Variants in COG4 observed in about 807,000 individuals in gnomAD.
COG4 encodes component of oligomeric golgi complex 4, also known as conserved oligomeric Golgi complex subunit 4.
Under a neutral mutation model 95.1 loss-of-function variants are expected in COG4, and 65 were observed. That is an observed-to-expected ratio of 0.68 (90% CI 0.56 to 0.84). The LOEUF (loss-of-function observed/expected upper bound fraction) is 0.84, where lower values mean the gene tolerates loss of function less well. Ranked by LOEUF, COG4 falls within the 40% of genes least tolerant of loss-of-function variation. The probability of loss-of-function intolerance (pLI) is 0.00; values close to 1 mark genes in which losing one functional copy is unlikely to be tolerated. For synonymous variants in COG4, 421 were observed against 374.8 expected, an observed-to-expected ratio of 1.12 and a Z score of -1.42; for missense variants, 1,045 against 989.1, an observed-to-expected ratio of 1.06 and a Z score of -0.76.
intron 13 of COG4, among the ~76,000 whole-genome samples, chr16:70,484,249 A>G (rs534697557): frequency 1.3e-5 from 2 of 152,344 alleles, no homozygotes; most frequent in African/African-American, 4.8e-5. Flanking sequence ...GTCCTGGCTC[A>G]GTCATGTATT....
chr16:70,498,123 T>A (rs1370496149), intron 9 of COG4, 68 bp from the exon 10 acceptor site: 1 of 922,756 alleles, frequency 1.1e-6, no homozygotes, highest in Non-Finnish European at 1.8e-6. Context: ...CTTTTTTCAT[T>A]TTTTCAGGTT....
rs780069576 is a variant in COG4 at position 70,501,084 on chromosome 16, C to G, written c.1069G>C (p.Asp357His). 2 of 1,613,378 alleles carry G rather than the reference C, an allele frequency of 1.2e-6. No homozygotes were observed. The highest frequency in any genetic ancestry group is 1.1e-5 in the South Asian group (1 of 91,076). ...TTEKIEPREL[D>H]PILTEVTLMN... ...AGGGTGACCTCAGTCAGGATGGGGT[C>G]CAGTTCTCTGAGACACATGGAGCAG... Residue 357 changes from aspartate (D) to histidine (H), a missense_variant, in exon 9 of 19, where the codon GAC (aspartate) becomes CAC (histidine). Transcript: ENST00000323786.
chr16:70,519,727 A>C lies in COG4; in HGVS notation c.176T>G (p.Val59Gly). The C allele has an allele frequency of 6.2e-7, 1 of 1,612,044 alleles. No homozygotes were observed. Among genetic ancestry groups the C allele is most frequent in the African/African-American group, 1.3e-5 (1 of 75,030 alleles). ...VYERLCGEEK[V>G]VERELDALLE... Reference sequence around the variant, plus strand: ...AAGAGCATCCAGCTCTCTCTCCACCACTTTCTGAAACACAGAGAAACATCC... The same window carrying C: ...AAGAGCATCCAGCTCTCTCTCCACCCCTTTCTGAAACACAGAGAAACATCC... The change falls in exon 2 of 19, where the codon GTG (valine) becomes GGG (glycine). Residue 59 changes from valine to glycine, a missense_variant. By Grantham distance (109) the Val-to-Gly change is moderately radical. Coordinates refer to ENST00000323786, the MANE Select transcript of COG4 (RefSeq NM_015386.3).
At chr16:70,491,254 C>G (rs572648551) in intron 12 of COG4, among the ~76,000 whole-genome samples, 1 of 152,182 alleles carries the variant, frequency 6.6e-6, no homozygotes, top group South Asian at 2.1e-4. Flanking sequence ...GTGGCTCACG[C>G]CTGTAATCCC....
In COG4 at chr16:70,517,640, G is replaced by C. The variant is rs751883885; in HGVS notation, c.355C>G (p.Leu119Val). ...AENVSSKVRQ[L>V]DLAKNRLYQA... ...TGATGTATTACCTTGGCCAGGTCAA[G>C]CTGACGAACTTTGCTGGACACATTC... is the stretch of plus-strand genomic sequence containing the variant. Residue 119 changes from leucine to valine, a missense_variant, in exon 3 of 19, where the codon CTT becomes GTT. Leu to Val is a conservative substitution (Grantham distance 32). Coordinates refer to ENST00000323786, the MANE Select transcript of COG4 (RefSeq NM_015386.3). The C allele has an allele frequency of 6.7e-7, 1 of 1,498,834 alleles. No individual in the cohort carries two copies. The highest frequency in any genetic ancestry group is 2.3e-5 in the East Asian group (1 of 43,018). The allele number at this position is 1,498,834 out of a possible 1,614,324, so 92.8% of individuals were successfully genotyped here.
chr16:70,504,728 G>A (rs1347038795), intron 8 of COG4, among the ~76,000 whole-genome samples: 1 of 151,788 alleles, frequency 6.6e-6, no homozygotes, highest in Non-Finnish European at 1.5e-5. Flanking sequence ...TGGCCAAGAT[G>A]GTGAAACCCC....
chr16:70,506,160 G>A (rs765281269), intron 8 of COG4, among the ~76,000 whole-genome samples: 1 of 151,998 alleles, frequency 6.6e-6, no homozygotes, highest in Non-Finnish European at 1.5e-5. Flanking sequence ...ATTTTGGGAG[G>A]CTGAGGTGGG....
chr16:70,510,722 G>C (rs182854959), intron 5 of COG4, among the ~76,000 whole-genome samples: 179 of 151,712 alleles, frequency 1.2e-3, no homozygotes, highest in Admixed American at 1.8e-3. Context: ...CTAGGTCCCA[G>C]ATGTCAAAGT....
intron 13 of COG4, among the ~76,000 whole-genome samples, chr16:70,485,894 TGTC>T (rs982145947): frequency 9.8e-6 from 1 of 101,754 alleles, no homozygotes; most frequent in African/African-American, 8.0e-5. Flanking sequence ...CCAGAATGCC[TGTC>T]TTTTTTTTTT....
At chr16:70,487,680 C>T (rs1343459535) in intron 13 of COG4, among the ~76,000 whole-genome samples, 4 of 152,202 alleles carry the variant, frequency 2.6e-5, no homozygotes, top group South Asian at 2.1e-4. Context: ...GAGGCAGGGC[C>T]CTGGCCTCAC....
intron 10 of COG4, 57 bp downstream of exon 10, chr16:70,497,880 C>T: frequency 2.0e-6 from 2 of 996,952 alleles, no homozygotes; most frequent in Non-Finnish European, 3.2e-6. Flanking sequence ...CCATTTCCCT[C>T]AGCCTGGCTT....
At position 70,519,699 on chromosome 16, in the gene COG4, CAA is replaced by C. The variant is rs767979499; in HGVS notation, c.202_203del (p.Leu68GlyfsTer7). 15 of 1,613,796 alleles carry C rather than the reference CAA, an allele frequency of 9.3e-6. No individual in the cohort carries two copies. In the East Asian group the frequency reaches 3.3e-4, roughly 36 times the overall value. On this transcript the variant is annotated frameshift_variant, in exon 2 of 19. Transcript: ENST00000323786. LOFTEE classifies it high-confidence loss of function. The stretch of plus-strand genomic sequence containing the variant: ...TACTTTCAATGGTGTTTTGCTGTTC[CAA>C]AAGAGCATCCAGCTCTCTCTCCACC... ...KVVERELDAL[L>X]EQQNTIESKM...
chr16:70,519,870 C>CTTTTGCTTCATTTAACT (rs1567399952), intron 1 of COG4, 139 bp from the exon 2 acceptor site: 2 of 715,386 alleles, frequency 2.8e-6, no homozygotes, highest in Non-Finnish European at 2.5e-6. Context: ...TAGACTTTAA[C>CTTTTGCTTCATTTAACT]AATGCTTCAT....
At chr16:70,506,294 A>G (rs908305914) in intron 8 of COG4, among the ~76,000 whole-genome samples, 2 of 150,788 alleles carry the variant, frequency 1.3e-5, no homozygotes, top group African/African-American at 4.9e-5. Flanking sequence ...TCCCAGCTAC[A>G]CGGGAGGCTG....
At chr16:70,515,343 T>C (rs1386481506) in intron 3 of COG4, among the ~76,000 whole-genome samples, 1 of 152,080 alleles carries the variant, frequency 6.6e-6, no homozygotes, top group Non-Finnish European at 1.5e-5. Flanking sequence ...CTTACCTAAT[T>C]GCCCTGGATA....
chr16:70,509,107 C>T, intron 7 of COG4, 124 bp downstream of exon 7: 1 of 1,232,742 alleles, frequency 8.1e-7, no homozygotes, highest in Non-Finnish European at 1.2e-6. Flanking sequence ...CCAGTGTGCG[C>T]TTAGCATTTA....
intron 3 of COG4, among the ~76,000 whole-genome samples, chr16:70,517,153 C>T (rs1597691184): frequency 6.6e-6 from 1 of 152,136 alleles, no homozygotes; most frequent in East Asian, 1.9e-4. Context: ...CCTGTTCTGG[C>T]CTCCTAAAGT....
In COG4 at chr16:70,483,961, G is replaced by A. The variant is rs2049071832; in HGVS notation, c.1719C>T (p.Cys573=). The change falls in exon 14 of 19, where the codon TGC becomes TGT. Residue 573 remains cysteine (C), a synonymous_variant. Coordinates refer to ENST00000323786, the MANE Select transcript of COG4 (RefSeq NM_015386.3). ...STLKKTLESD[C]TKLFSQGIGG... is the part of the protein sequence containing the mutation. ...CAATGCCCTGGCTGAAGAGCTTGGT[G>A]CAGTCACTCTAGGGGAGAACACTGC... 2 of 1,611,804 alleles carry A rather than the reference G, an allele frequency of 1.2e-6. No homozygotes were observed. Among genetic ancestry groups the A allele is most frequent in the Non-Finnish European group, 1.7e-6 (2 of 1,179,344 alleles).
rs569713687 is a variant in COG4, at chr16:70,481,893, A to G, written c.2005-28T>C. 1.2e-4 allele frequency: 198 copies of G among 1,587,466 alleles called. 2 individuals carry two copies. The South Asian group carries it at 1.9e-3, about 15-fold the overall frequency. ...GCACACAGAGGGTTGACATCAGCCG[A>G]GCCCCACCTAACTCCTCTGCCTCTA... On this transcript the variant is annotated intron_variant, in intron 16 of 18. Coordinates refer to ENST00000323786, the MANE Select transcript of COG4 (RefSeq NM_015386.3).
Sources: allele counts gnomAD v4.1 joint callset (sites outside exome capture counted in the v4.1 genomes callset), GRCh38; gene constraint gnomAD v4.1.1; transcripts MANE v1.5; gene names NCBI Gene and HGNC (gene_info 2026-07-23, HGNC 2026-07-21).